MOXD1: variants seen among roughly 807,000 people sequenced by gnomAD.
MOXD1 encodes the protein DBH-like monooxygenase protein 1.
Under a neutral mutation model 66.6 loss-of-function variants are expected in MOXD1, and 62 were observed. The observed-to-expected ratio is 0.93, with a 90% CI of 0.76 to 1.15. The LOEUF (loss-of-function observed/expected upper bound fraction) is 1.15, where lower values mean the gene tolerates loss of function less well. Ranked by LOEUF, MOXD1 falls within the 50% of genes most tolerant of loss-of-function variation. The pLI is 0.00. For synonymous variants in MOXD1, 303 were observed against 281.9 expected (o/e 1.07, Z -0.75); for missense variants, 847 against 754.6 (o/e 1.12, Z -1.44).
intron 10 of MOXD1, among the ~76,000 whole-genome samples, chr6:132,309,698 A>G (rs1185750051): frequency 6.6e-6 from 1 of 152,220 alleles, no homozygotes; most frequent in African/African-American, 2.4e-5. Context: ...GACCTCAGAA[A>G]TAACACCACA....
intron 1 of MOXD1, among the ~76,000 whole-genome samples, chr6:132,390,140 G>A (rs1288167347): frequency 2.0e-5 from 3 of 151,570 alleles, no homozygotes; most frequent in African/African-American, 7.2e-5. Context: ...CTAAACATCT[G>A]TGTAACAATG....
intron 4 of MOXD1, among the ~76,000 whole-genome samples, chr6:132,347,815 CTTTTA>C (rs946480645): frequency 2.0e-5 from 3 of 152,168 alleles, no homozygotes; most frequent in Non-Finnish European, 4.4e-5. Context: ...GAAATACAGT[CTTTTA>C]TAAGTCATGA....
At chr6:132,358,070 A>G (rs527533786) in intron 4 of MOXD1, among the ~76,000 whole-genome samples, 1 of 152,330 alleles carries the variant, frequency 6.6e-6, no homozygotes, top group African/African-American at 2.4e-5. Flanking sequence ...GATAGGTCAT[A>G]TCTCCATTTT....
At chr6:132,303,790 T>A (rs9388976) in intron 10 of MOXD1, among the ~76,000 whole-genome samples, 1 of 138,722 alleles carries the variant, frequency 7.2e-6, no homozygotes, top group African/African-American at 2.6e-5. Context: ...TACACATATA[T>A]ACATATATAC....
chr6:132,390,675 A>G (rs1776742282), intron 1 of MOXD1: 1 of 151,572 alleles, frequency 6.6e-6, no homozygotes, highest in Admixed American at 6.6e-5. Context: ...TGACAGCCAC[A>G]GACAATTTCC....
chr6:132,299,991 G>A (rs1383345530), intron 10 of MOXD1, among the ~76,000 whole-genome samples: 2 of 151,344 alleles, frequency 1.3e-5, no homozygotes, highest in East Asian at 1.9e-4. Flanking sequence ...ATTTCTTGGA[G>A]TTATAAAGAT....
At chr6:132,386,437 A>C (rs1257869497) in intron 1 of MOXD1, among the ~76,000 whole-genome samples, 33 of 145,384 alleles carry the variant, frequency 2.3e-4, no homozygotes, top group East Asian at 9.2e-4. Context: ...ACAAAACAAA[A>C]AAAAAAAACA....
At chr6:132,401,024 G>C in intron 1 of MOXD1, 139 bp downstream of exon 1, 1 of 1,145,788 alleles carries the variant, frequency 8.7e-7, no homozygotes, top group Non-Finnish European at 1.2e-6. Context: ...GGAGGCGAGA[G>C]TGAGCGTGGC....
chr6:132,315,607 C>T (rs1220715706), intron 10 of MOXD1, 28 bp downstream of exon 10: 12 of 1,590,028 alleles, frequency 7.5e-6, no homozygotes, highest in Non-Finnish European at 1.0e-5. Context: ...AATACGTTAC[C>T]CCATCATAAA....
chr6:132,331,601 T>C (rs965298885), intron 4 of MOXD1, among the ~76,000 whole-genome samples: 16 of 152,234 alleles, frequency 1.1e-4, no homozygotes, highest in African/African-American at 3.6e-4. Flanking sequence ...TTAGACCTAC[T>C]ATCTACTAGC....
At chr6:132,376,337 G>A (rs1032301501) in intron 1 of MOXD1, among the ~76,000 whole-genome samples, 2 of 152,068 alleles carry the variant, frequency 1.3e-5, no homozygotes, top group Non-Finnish European at 2.9e-5. Context: ...GATGGCATTT[G>A]GCATTTTTAT....
chr6:132,319,870 G>T lies in MOXD1; in HGVS notation c.1365+759C>A, dbSNP rs780014851. Among the ~76,000 whole-genome samples the T allele has an allele frequency of 3.6e-4, 54 of 152,038 alleles. 1 individual carries two copies. Among genetic ancestry groups the T allele is most frequent in the Admixed American group, 2.7e-3 (41 of 15,264 alleles). ...TGTCAACAATAAACTTGAATTTAAT[G>T]AATGCTTTCTCTACCTCTGTTGAGG... On this transcript the variant is annotated intron_variant, in intron 9 of 11. Transcript: ENST00000367963.
chr6:132,397,307 T>C (rs56854917), intron 1 of MOXD1, among the ~76,000 whole-genome samples: 14,973 of 152,288 alleles, frequency 0.098, 1,193 homozygotes, highest in East Asian at 0.42. Context: ...AGATGGTTTG[T>C]TACCAAGAAT....
At chr6:132,371,508 A>G (rs1776261301) in intron 4 of MOXD1, among the ~76,000 whole-genome samples, 1 of 152,196 alleles carries the variant, frequency 6.6e-6, no homozygotes, top group South Asian at 2.1e-4. Context: ...TAAACAAAAG[A>G]AAACTAGGGA....
chr6:132,327,208 T>C (rs994318143), intron 6 of MOXD1, among the ~76,000 whole-genome samples: 1 of 152,188 alleles, frequency 6.6e-6, no homozygotes, highest in African/African-American at 2.4e-5. Flanking sequence ...AATTAAATAC[T>C]CTCATAGTGT....
chr6:132,337,019 A>G (rs1179510416), intron 4 of MOXD1, among the ~76,000 whole-genome samples: 1 of 152,202 alleles, frequency 6.6e-6, no homozygotes, highest in African/African-American at 2.4e-5. Context: ...AGAAGCCAGC[A>G]TTCAGTGAGA....
chr6:132,386,465 G>A (rs1224031473), intron 1 of MOXD1, among the ~76,000 whole-genome samples: 23 of 141,290 alleles, frequency 1.6e-4, no homozygotes, highest in African/African-American at 4.7e-4. Flanking sequence ...AACGGGAAAA[G>A]AGATGAAATA....
At chr6:132,359,799 A>G (rs1006832010) in intron 4 of MOXD1, among the ~76,000 whole-genome samples, 1 of 152,174 alleles carries the variant, frequency 6.6e-6, no homozygotes, top group African/African-American at 2.4e-5. Context: ...AGTTTTAACA[A>G]TAAATAAAAT....
intron 4 of MOXD1, among the ~76,000 whole-genome samples, chr6:132,332,932 A>T (rs941031947): frequency 6.6e-6 from 1 of 152,148 alleles, no homozygotes; most frequent in Admixed American, 6.5e-5. Flanking sequence ...TGCTGCATTA[A>T]CCCGACTTTC....
Sources: gnomAD v4.1 joint callset for allele counts (sites outside exome capture counted in the v4.1 genomes callset) on GRCh38, gnomAD v4.1.1 for gene constraint, MANE v1.5 for transcripts, NCBI Gene and HGNC (gene_info 2026-07-23, HGNC 2026-07-21) for gene names.